The following SLC13A5 variants were observed in gnomAD, a reference collection of about 807,000 sequenced individuals.
The protein encoded by SLC13A5 is solute carrier family 13 member 5.
In SLC13A5, 25 loss-of-function variants were observed where a neutral mutation model predicts 56.5. The ratio of observed to expected loss-of-function variants is 0.44; its 90% CI spans 0.32 to 0.62. SLC13A5 has a LOEUF of 0.62. Among genes scored for constraint, SLC13A5 ranks in the 20% least tolerant of loss-of-function variants. The pLI, the probability that SLC13A5 is intolerant of heterozygous loss-of-function variation, is 0.04. For missense variants in SLC13A5, 649 were observed against 737.8 expected, an observed-to-expected ratio of 0.88 and a Z score of 1.39; for synonymous variants, 307 against 301.5, an observed-to-expected ratio of 1.02 and a Z score of -0.19.
chr17:6,698,632 A>G (rs759390115), intron 6 of SLC13A5, among the ~76,000 whole-genome samples: 2 of 152,208 alleles, frequency 1.3e-5, no homozygotes, highest in Non-Finnish European at 1.5e-5. Context: ...TCCCTGTTAC[A>G]AAGCTCTGTG....
Position 6,706,584 on chromosome 17 carries a change from C to T in SLC13A5, c.368+58G>A, listed in dbSNP as rs573053561. 188 of 1,589,162 alleles carry T rather than the reference C, an allele frequency of 1.2e-4. No homozygotes were observed. In the African/African-American group the frequency reaches 2.4e-3, roughly 20 times the overall value. On this transcript the variant is annotated intron_variant, in intron 3 of 11. Coordinates refer to ENST00000433363, the MANE Select transcript of SLC13A5 (RefSeq NM_177550.5). ...GCCTGGTCTGTGCCATCCTCCACCC[C>T]CTTCCAGCCCTGGGGCTCATGCAGA...
chr17:6,686,146 G>T lies in SLC13A5; in HGVS notation c.*61C>A, dbSNP rs527306487. On this transcript the variant is annotated 3_prime_UTR_variant, in exon 12 of 12. Coordinates refer to ENST00000433363, the MANE Select transcript of SLC13A5 (RefSeq NM_177550.5). ...AACCCCAAAACTCTGTACAAGGTGT[G>T]CCAGAAGGTTCGGTAGTCCTGAGGA... The T allele has an allele frequency of 1.9e-6, 3 of 1,608,138 alleles. No homozygotes were observed. In the East Asian group the frequency reaches 6.7e-5, roughly 36 times the overall value.
intron 6 of SLC13A5, among the ~76,000 whole-genome samples, chr17:6,698,593 G>A (rs144366504): frequency 0.013 from 1,947 of 152,334 alleles, 11 homozygotes; most frequent in South Asian, 0.026. Flanking sequence ...GAGCCAAAGG[G>A]CCTGGGTTCA....
chr17:6,696,439 G>A (rs1013144053), intron 6 of SLC13A5, among the ~76,000 whole-genome samples: 54 of 152,132 alleles, frequency 3.5e-4, no homozygotes, highest in Non-Finnish European at 4.0e-4. Context: ...CCTGGAGTTG[G>A]AGGTGCAGGA....
chr17:6,701,120 A>C lies in SLC13A5; in HGVS notation c.723T>G (p.Phe241Leu), dbSNP rs771892236. The C allele has an allele frequency of 1.9e-6, 3 of 1,614,034 alleles. No individual in the cohort carries two copies. The change falls in exon 6 of 12, where the codon TTT (phenylalanine) becomes TTG (leucine). Residue 241 changes from phenylalanine to leucine, a missense_variant. Coordinates refer to ENST00000433363, the MANE Select transcript of SLC13A5 (RefSeq NM_177550.5). This position sits in a 1 kb window ranked among gnomAD's most constrained non-coding sequence, Gnocchi z 4.1. Reference protein sequence around the residue: ...VVLLGQMNELFPDSKDLVNFA... With the variant: ...VVLLGQMNELLPDSKDLVNFA... ...AGTTCACGAGGTCCTTGCTGTCAGGAAACAACCTACAAGAAGACACCGGCC... is the reference window on the plus strand; with the variant it reads ...AGTTCACGAGGTCCTTGCTGTCAGGCAACAACCTACAAGAAGACACCGGCC...
In SLC13A5 at chr17:6,703,235, C is replaced by T. The variant is rs148741545; in HGVS notation, c.548-97G>A. ...GCTGCTGACCTGAGGATTGGGAAAT[C>T]CCAGCTCTGCTGATTTAGCTGCCCC... On this transcript the variant is annotated intron_variant, in intron 4 of 11. Coordinates refer to ENST00000433363, the MANE Select transcript of SLC13A5 (RefSeq NM_177550.5). 1,983 of 1,460,788 alleles carry T rather than the reference C, an allele frequency of 1.4e-3. 47 individuals carry two copies. The East Asian group carries it at 0.036, about 27-fold the overall frequency. The allele number at this position is 1,460,788 out of a possible 1,614,324, so 90.5% of individuals were successfully genotyped here.
chr17:6,712,330 G>A (rs914494329), intron 1 of SLC13A5, among the ~76,000 whole-genome samples: 3 of 152,198 alleles, frequency 2.0e-5, no homozygotes, highest in Admixed American at 6.5e-5. Context: ...AAGAAGGAAC[G>A]AGGAAGGAGC....
At position 6,685,574 on chromosome 17, in the gene SLC13A5, CCTGAA is replaced by C; in HGVS notation, c.*628_*632del. ...CTGTGGGTGGCAAGCCAGGTGTCGTCCTGAAGTTGGCAACTCAGATTCCTCATCCT... is the reference window on the plus strand; with the variant it reads ...CTGTGGGTGGCAAGCCAGGTGTCGTCGTTGGCAACTCAGATTCCTCATCCT... On this transcript the variant is annotated 3_prime_UTR_variant, in exon 12 of 12. Coordinates refer to ENST00000433363, the MANE Select transcript of SLC13A5 (RefSeq NM_177550.5). The surrounding 1 kb of genome is among the most constrained non-coding windows in gnomAD (Gnocchi z 4.2). 1 of 153,876 alleles carries C rather than the reference CCTGAA, an allele frequency of 6.5e-6. No individual in the cohort carries two copies. Among genetic ancestry groups the C allele is most frequent in the Admixed American group, 6.4e-5 (1 of 15,644 alleles). The allele number at this position is 153,876 out of a possible 1,614,324, so 9.5% of individuals were successfully genotyped here. A position where few individuals can be genotyped will look rare whatever the true frequency, so the allele number is the denominator to read the frequency against.
intron 8 of SLC13A5, 33 bp downstream of exon 8, chr17:6,694,064 C>G (rs896804779): frequency 1.5e-5 from 22 of 1,494,178 alleles, no homozygotes; most frequent in Non-Finnish European, 1.9e-5. Context: ...GGCTCCAGTC[C>G]TGATGACTGG....
chr17:6,704,561 C>G (rs1257695334), intron 3 of SLC13A5: 1 of 263,862 alleles, frequency 3.8e-6, no homozygotes, highest in African/African-American at 2.2e-5. Flanking sequence ...GTAGGGTGAG[C>G]TGGGGAGGGA....
chr17:6,706,349 G>A (rs1973862146), intron 3 of SLC13A5, among the ~76,000 whole-genome samples: 1 of 152,160 alleles, frequency 6.6e-6, no homozygotes, highest in African/African-American at 2.4e-5. Flanking sequence ...GTTCCCGGTG[G>A]AACCCTGCAG....
At chr17:6,706,080 T>G (rs1973856280) in intron 3 of SLC13A5, among the ~76,000 whole-genome samples, 1 of 152,126 alleles carries the variant, frequency 6.6e-6, no homozygotes, top group African/African-American at 2.4e-5. Flanking sequence ...TTGATTATGG[T>G]TATGATTATG....
Position 6,711,452 on chromosome 17 carries a change from T to TAC in SLC13A5, c.102+1778_102+1779dup, listed in dbSNP as rs998112989. 7.5e-6 allele frequency among the ~76,000 whole-genome samples: 1 copy of TAC among 132,500 alleles called. No individual in the cohort carries two copies. Among genetic ancestry groups the TAC allele is most frequent in the African/African-American group, 2.9e-5 (1 of 34,336 alleles). 86.9% of individuals were successfully genotyped at this position (132,500 alleles called of 152,430 possible). ...TTACACACACACACATACACACACA[T>TAC]ACACACACACTGAGTTAGGGTTTCC... is the stretch of plus-strand genomic sequence containing the variant. On this transcript the variant is annotated intron_variant, in intron 1 of 11. Coordinates refer to ENST00000433363, the MANE Select transcript of SLC13A5 (RefSeq NM_177550.5). This position sits in a 1 kb window ranked among gnomAD's most constrained non-coding sequence, Gnocchi z 4.0.
intron 10 of SLC13A5, chr17:6,689,078 T>A (rs1973325292): frequency 6.6e-6 from 1 of 152,200 alleles, no homozygotes; most frequent in South Asian, 2.1e-4. Context: ...TACATCATCA[T>A]CACATATGTT....
At chr17:6,691,078 T>C in intron 9 of SLC13A5, 138 bp from the exon 10 acceptor site, 1 of 938,324 alleles carries the variant, frequency 1.1e-6, no homozygotes, top group South Asian at 1.7e-5. Flanking sequence ...TTCCCACCAT[T>C]TTCATCCCCG....
chr17:6,702,824 T>A, intron 5 of SLC13A5, 146 bp downstream of exon 5: 1 of 981,722 alleles, frequency 1.0e-6, no homozygotes, highest in Non-Finnish European at 1.5e-6. Flanking sequence ...TGGGGCCACA[T>A]CTTTCCACCC....
intron 3 of SLC13A5, among the ~76,000 whole-genome samples, chr17:6,705,910 A>G (rs557693930): frequency 7.9e-5 from 12 of 152,306 alleles, no homozygotes; most frequent in African/African-American, 2.9e-4. Flanking sequence ...TGAGCAAATC[A>G]CTTTATCCCT....
chr17:6,713,336 C>A lies in SLC13A5; in HGVS notation c.-3G>T. 3 of 1,613,414 alleles carry A rather than the reference C, an allele frequency of 1.9e-6. No individual in the cohort carries two copies. The highest frequency in any genetic ancestry group is 2.5e-6 in the Non-Finnish European group (3 of 1,179,670). ...ACATAGCTCAGCGCCGAGGCCATCG[C>A]GCGGGAGGGAGACTGGCGGGCGAGA... On this transcript the variant is annotated 5_prime_UTR_variant, in exon 1 of 12. Transcript: ENST00000433363. The surrounding 1 kb of genome is among the most constrained non-coding windows in gnomAD (Gnocchi z 7.3).
In SLC13A5 at chr17:6,690,627, C is replaced by A. The variant is rs1973380147; in HGVS notation, c.1437+152G>T. The A allele has an allele frequency of 2.8e-6, 3 of 1,078,694 alleles. No homozygotes were observed. The East Asian group carries it at 7.1e-5, about 26-fold the overall frequency. 66.8% of individuals were successfully genotyped at this position (1,078,694 alleles called of 1,614,324 possible). Reference sequence around the variant, plus strand: ...GTGGAGGCCTCAGGGGCAGAGGCATCCAGGGTCCACAAATCCACGTCACAG... The same window carrying A: ...GTGGAGGCCTCAGGGGCAGAGGCATACAGGGTCCACAAATCCACGTCACAG... On this transcript the variant is annotated intron_variant, in intron 10 of 11. Coordinates refer to ENST00000433363, the MANE Select transcript of SLC13A5 (RefSeq NM_177550.5).
Sources: allele counts gnomAD v4.1 joint callset (sites outside exome capture counted in the v4.1 genomes callset), GRCh38; gene constraint gnomAD v4.1.1; non-coding constraint Gnocchi (gnomAD v3.1); transcripts MANE v1.5; gene names NCBI Gene and HGNC (gene_info 2026-07-23, HGNC 2026-07-21).